ARID5B: variants seen among roughly 807,000 people sequenced by gnomAD.
ARID5B encodes AT-rich interactive domain-containing protein 5B.
Under a neutral mutation model 97.2 loss-of-function variants are expected in ARID5B, and 13 were observed. That is an observed-to-expected ratio of 0.13 (90% CI 0.09 to 0.21). The LOEUF is 0.21. Ranked by LOEUF, ARID5B falls within the 10% of genes least tolerant of loss-of-function variation. The pLI is 1.00. For synonymous variants in ARID5B, 556 were observed against 570.3 expected (o/e 0.97, Z 0.36); for missense variants, 1,210 against 1,465.3 (o/e 0.83, Z 2.84).
chr10:61,990,124 A>G (rs1838903344), intron 3 of ARID5B, among the ~76,000 whole-genome samples: 1 of 152,214 alleles, frequency 6.6e-6, no homozygotes, highest in Admixed American at 6.5e-5. Flanking sequence ...ATTTAAGATG[A>G]GTCACTGACA....
intron 3 of ARID5B, among the ~76,000 whole-genome samples, chr10:61,994,765 A>G (rs1020690494): frequency 6.6e-6 from 1 of 152,210 alleles, no homozygotes; most frequent in African/African-American, 2.4e-5. Context: ...AAAAATTGAC[A>G]TTGAGAGAGG....
intron 4 of ARID5B, among the ~76,000 whole-genome samples, chr10:62,008,113 CT>C (rs1357955614): frequency 7.1e-6 from 1 of 140,624 alleles, no homozygotes; most frequent in African/African-American, 2.7e-5. Flanking sequence ...CACATAAGCT[CT>C]TTGTAAATGT....
chr10:61,992,126 C>T (rs1207710776), intron 3 of ARID5B, among the ~76,000 whole-genome samples: 3 of 152,148 alleles, frequency 2.0e-5, no homozygotes, highest in Admixed American at 2.0e-4. Flanking sequence ...TAGAATAACA[C>T]CTCATATGTG....
rs4323814 is a variant in ARID5B at position 62,050,682 on chromosome 10, G to A, written c.734-206G>A. Among the ~76,000 whole-genome samples, 784 of 152,278 alleles carry A rather than the reference G, an allele frequency of 5.1e-3. 2 individuals are homozygous for A. The highest frequency in any genetic ancestry group is 7.3e-3 in the Non-Finnish European group (498 of 68,024). Reference sequence around the variant, plus strand: ...AGACATGTTAAAGCTAAATAGATTAGCTTTGGGAAACGTGTACAGAAATGT... The same window carrying A: ...AGACATGTTAAAGCTAAATAGATTAACTTTGGGAAACGTGTACAGAAATGT... On this transcript the variant is annotated intron_variant, in intron 4 of 9. Coordinates refer to ENST00000279873, the MANE Select transcript of ARID5B (RefSeq NM_032199.3).
At chr10:62,071,208 G>A (rs1348683308) in intron 8 of ARID5B, among the ~76,000 whole-genome samples, 1 of 151,846 alleles carries the variant, frequency 6.6e-6, no homozygotes, top group African/African-American at 2.4e-5. Context: ...GCTAATTTTT[G>A]TATTTTTAGT....
chr10:62,066,295 A>G (rs1014540209), intron 7 of ARID5B, among the ~76,000 whole-genome samples: 7 of 152,204 alleles, frequency 4.6e-5, no homozygotes, highest in South Asian at 2.1e-4. Flanking sequence ...GTCCATGGCT[A>G]GTGTTTGAAT....
intron 3 of ARID5B, among the ~76,000 whole-genome samples, chr10:61,998,113 A>G (rs114713780): frequency 0.013 from 1,950 of 152,324 alleles, 41 homozygotes; most frequent in African/African-American, 0.041. Context: ...GTAAGCAGCT[A>G]AACATCTCCA....
At chr10:61,943,065 A>G (rs1362380804) in intron 3 of ARID5B, among the ~76,000 whole-genome samples, 1 of 152,212 alleles carries the variant, frequency 6.6e-6, no homozygotes, top group Non-Finnish European at 1.5e-5. Context: ...TGAGACAAAT[A>G]GCTTTTGTAA....
chr10:62,093,319 C>G lies in ARID5B; in HGVS notation c.*289C>G. 3.0e-6 allele frequency: 1 copy of G among 331,282 alleles called. No homozygotes were observed. The highest frequency in any genetic ancestry group is 5.5e-6 in the Non-Finnish European group (1 of 182,142). 20.5% of individuals were successfully genotyped at this position (331,282 alleles called of 1,614,324 possible). A position where few individuals can be genotyped will look rare whatever the true frequency, so the allele number is the denominator to read the frequency against. ...GCCTTGTGAAGGGATTTGTGAATAT[C>G]CAGGAAGAACTTAGAGGACCCCATC... On this transcript the variant is annotated 3_prime_UTR_variant, in exon 10 of 10. Coordinates refer to ENST00000279873, the MANE Select transcript of ARID5B (RefSeq NM_032199.3).
chr10:62,077,530 C>CA (rs5785510), intron 8 of ARID5B, among the ~76,000 whole-genome samples: 1 of 150,990 alleles, frequency 6.6e-6, no homozygotes, highest in Non-Finnish European at 1.5e-5. Context: ...TGACCCCCCC[C>CA]AAAAAAAAAG....
chr10:61,940,069 T>C, intron 2 of ARID5B, 114 bp from the exon 3 acceptor site: 1 of 839,882 alleles, frequency 1.2e-6, no homozygotes, highest in Non-Finnish European at 2.0e-6. Context: ...CACAGTCTCC[T>C]TGCATTAGGT....
intron 3 of ARID5B, among the ~76,000 whole-genome samples, chr10:61,956,020 T>G (rs1838386921): frequency 6.6e-6 from 1 of 152,174 alleles, no homozygotes. Flanking sequence ...TGTGAGATAG[T>G]CCCATTACAT....
rs1840359273 is a variant in ARID5B at position 62,090,896 on chromosome 10, T to C, written c.1433T>C (p.Leu478Ser). ...SSEQEKEQET[L>S]ISQKSIPEPL... is the part of the protein sequence containing the mutation. ...GAGCAAGAAAAAGAACAAGAGACTTTAATAAGCCAGAAAAGCATCCCTGAG... is the reference window on the plus strand; with the variant it reads ...GAGCAAGAAAAAGAACAAGAGACTTCAATAAGCCAGAAAAGCATCCCTGAG... The change falls in exon 10 of 10, where the codon TTA becomes TCA. Residue 478 changes from leucine to serine, a missense_variant. This residue lies in a region of ARID5B where 800 missense variants were observed against 839.1 expected (regional missense o/e 0.95). Transcript: ENST00000279873. 1 of 1,594,046 alleles carries C rather than the reference T, an allele frequency of 6.3e-7. No homozygotes were observed. The highest frequency in any genetic ancestry group is 8.5e-7 in the Non-Finnish European group (1 of 1,174,796).
At chr10:62,071,171 G>A (rs773613451) in intron 8 of ARID5B, among the ~76,000 whole-genome samples, 9 of 151,778 alleles carry the variant, frequency 5.9e-5, no homozygotes, top group Non-Finnish European at 1.2e-4. Flanking sequence ...AAGTAACTGG[G>A]ACTACAGGCA....
chr10:61,954,244 C>A (rs1838361179), intron 3 of ARID5B, among the ~76,000 whole-genome samples: 1 of 151,772 alleles, frequency 6.6e-6, no homozygotes, highest in Non-Finnish European at 1.5e-5. Flanking sequence ...GTAATCCCAG[C>A]TACTCGGGAG....
In ARID5B at chr10:62,018,095, T is replaced by C. The variant is rs191690430; in HGVS notation, c.733+17774T>C. 2.8e-3 allele frequency among the ~76,000 whole-genome samples: 430 copies of C among 152,344 alleles called. 2 individuals carry two copies. Among genetic ancestry groups the C allele is most frequent in the African/African-American group, 9.5e-3 (394 of 41,572 alleles). On this transcript the variant is annotated intron_variant, in intron 4 of 9. Transcript: ENST00000279873. ...GTCAAAAATAATCGGGTTTTCTATATAATAGATATTTTAAATGATCTCTGC... is the reference window on the plus strand; with the variant it reads ...GTCAAAAATAATCGGGTTTTCTATACAATAGATATTTTAAATGATCTCTGC...
At chr10:62,077,257 C>T (rs2393729) in intron 8 of ARID5B, among the ~76,000 whole-genome samples, 50,425 of 151,794 alleles carry the variant, frequency 0.33, 9,133 homozygotes, top group Non-Finnish European at 0.41. Flanking sequence ...GATAACTTTC[C>T]AATGCCTGGA....
intron 2 of ARID5B, among the ~76,000 whole-genome samples, chr10:61,928,540 A>G (rs977501788): frequency 6.6e-6 from 1 of 151,890 alleles, no homozygotes; most frequent in Non-Finnish European, 1.5e-5. Flanking sequence ...CAATCCACCC[A>G]CCTTGGCCTC....
At chr10:61,924,247 T>C (rs1172873588) in intron 2 of ARID5B, among the ~76,000 whole-genome samples, 1 of 152,214 alleles carries the variant, frequency 6.6e-6, no homozygotes, top group Non-Finnish European at 1.5e-5. Flanking sequence ...TGTAGTTGCT[T>C]GAGTCTGTCC....
Sources: allele counts gnomAD v4.1 joint callset (sites outside exome capture counted in the v4.1 genomes callset), GRCh38; gene constraint gnomAD v4.1.1; regional missense constraint gnomAD v4.1.1; transcripts MANE v1.5; gene names NCBI Gene and HGNC (gene_info 2026-07-23, HGNC 2026-07-21).